NEDD9: variants seen among roughly 807,000 people sequenced by gnomAD.
NEDD9 encodes the protein enhancer of filamentation 1.
Under a neutral mutation model 76.6 loss-of-function variants are expected in NEDD9, and 26 were observed. The observed-to-expected ratio is 0.34, with a 90% CI of 0.25 to 0.47. The LOEUF (loss-of-function observed/expected upper bound fraction) is 0.47, where lower values mean the gene tolerates loss of function less well. NEDD9 is among the 20% of genes least tolerant of loss of function. The pLI is 1.00. For synonymous variants in NEDD9, 392 were observed against 414.2 expected, an observed-to-expected ratio of 0.95 and a Z score of 0.65; for missense variants, 937 against 1,058.5, an observed-to-expected ratio of 0.89 and a Z score of 1.59.
intron 3 of NEDD9, among the ~76,000 whole-genome samples, chr6:11,284,969 T>A (rs535516405): frequency 6.6e-6 from 1 of 152,210 alleles, no homozygotes; most frequent in East Asian, 1.9e-4. Flanking sequence ...GAAAACTGAG[T>A]TCTAGAGAGA....
chr6:11,190,402 C>T lies in NEDD9; in HGVS notation c.1467G>A (p.Leu489=), dbSNP rs1758105973. The change falls in exon 5 of 7, where the codon CTG becomes CTA. Residue 489 remains leucine (L), a synonymous_variant. Coordinates refer to ENST00000379446, the MANE Select transcript of NEDD9 (RefSeq NM_006403.4). This position sits in a 1 kb window ranked among gnomAD's most constrained non-coding sequence, Gnocchi z 5.8. Reference sequence around the variant, plus strand: ...TCTGGTGGGAGTCTTCAACTCGTTGCAGCTCCCGCTTCATCTTGTTGTGGA... The same window carrying T: ...TCTGGTGGGAGTCTTCAACTCGTTGTAGCTCCCGCTTCATCTTGTTGTGGA... ...LILHNKMKRE[L]QRVEDSHQIL... is the part of the protein sequence containing the mutation. The T allele has an allele frequency of 1.2e-6, 2 of 1,614,090 alleles. No homozygotes were observed. Among genetic ancestry groups the T allele is most frequent in the Admixed American group, 1.7e-5 (1 of 60,014 alleles).
At chr6:11,371,285 C>T (rs1240306432) in intron 1 of NEDD9, among the ~76,000 whole-genome samples, 2 of 152,150 alleles carry the variant, frequency 1.3e-5, no homozygotes, top group Admixed American at 6.5e-5. Flanking sequence ...CATTATGACC[C>T]CAAGTCTATA....
chr6:11,231,546 TTAA>T (rs1291544478), intron 1 of NEDD9, among the ~76,000 whole-genome samples: 1 of 152,334 alleles, frequency 6.6e-6, no homozygotes, highest in South Asian at 2.1e-4. Flanking sequence ...CAAATCCATC[TTAA>T]TAATAACACT....
chr6:11,325,291 G>T (rs535139824), intron 2 of NEDD9, among the ~76,000 whole-genome samples: 74 of 151,396 alleles, frequency 4.9e-4, no homozygotes, highest in African/African-American at 1.7e-3. Context: ...GGAGGCAGAG[G>T]TTGCAGTGAA....
At chr6:11,228,114 G>T (rs1192826447) in intron 1 of NEDD9, among the ~76,000 whole-genome samples, 1 of 150,590 alleles carries the variant, frequency 6.6e-6, no homozygotes, top group African/African-American at 2.5e-5. Flanking sequence ...GGGCTGGGGA[G>T]TAGGGGGTTG....
rs117251592 is a variant in NEDD9, at chr6:11,230,777, T to C, written c.12+1727A>G. Among the ~76,000 whole-genome samples the C allele has an allele frequency of 1.4e-4, 22 of 152,364 alleles. No homozygotes were observed. In the East Asian group the frequency reaches 4.2e-3, roughly 29 times the overall value. The stretch of plus-strand genomic sequence containing the variant: ...GGTGTTCAACACCAGTAAGGCCCAG[T>C]GGAGAAGCAGGTTTCTCCATGAATG... On this transcript the variant is annotated intron_variant, in intron 1 of 6. Coordinates refer to ENST00000379446, the MANE Select transcript of NEDD9 (RefSeq NM_006403.4).
At chr6:11,343,253 C>T (rs1328562224) in intron 1 of NEDD9, among the ~76,000 whole-genome samples, 3 of 151,992 alleles carry the variant, frequency 2.0e-5, no homozygotes, top group Non-Finnish European at 4.4e-5. Flanking sequence ...CATGGTGAAA[C>T]CCCGTTTCTA....
Position 11,293,472 on chromosome 6 carries a change from CT to C in NEDD9, c.12+12519del, listed in dbSNP as rs113814395. 1.4e-3 allele frequency among the ~76,000 whole-genome samples: 216 copies of C among 152,284 alleles called. 1 individual carries two copies. Among genetic ancestry groups the C allele is most frequent in the African/African-American group, 4.0e-3 (168 of 41,544 alleles). On this transcript the variant is annotated intron_variant, in intron 3 of 3. Coordinates refer to the NEDD9 transcript ENST00000397378. ...AAATTTCTTTGTTTTCTATCCCCCC[CT>C]CTCAGCTTTATCGAAGCATATTTGA...
rs118016789 is a variant in NEDD9, at chr6:11,361,485, T to C, written c.-214+20654A>G. On this transcript the variant is annotated intron_variant, in intron 1 of 3. Coordinates refer to the NEDD9 transcript ENST00000397378. ...GTCAAGGGGCAGGGGGGAGGTACCA[T>C]ACACTTTTACACAACCAGATCTCAC... Among the ~76,000 whole-genome samples the C allele has an allele frequency of 4.1e-3, 630 of 151,998 alleles. 7 individuals are homozygous for C. The highest frequency in any genetic ancestry group is 0.04 in the East Asian group (208 of 5,168).
At chr6:11,220,677 A>G (rs995647462) in intron 1 of NEDD9, among the ~76,000 whole-genome samples, 2 of 152,180 alleles carry the variant, frequency 1.3e-5, no homozygotes, top group African/African-American at 4.8e-5. Context: ...AGGACTGGTG[A>G]AAAGATCTGA....
intron 1 of NEDD9, among the ~76,000 whole-genome samples, chr6:11,348,026 T>C (rs1582042183): frequency 6.6e-6 from 1 of 152,208 alleles, no homozygotes; most frequent in Non-Finnish European, 1.5e-5. Flanking sequence ...CATGATCCTA[T>C]AGCTAGAAAA....
chr6:11,367,826 T>TA (rs753163112), intron 1 of NEDD9, among the ~76,000 whole-genome samples: 1 of 152,216 alleles, frequency 6.6e-6, no homozygotes, highest in Non-Finnish European at 1.5e-5. Flanking sequence ...TGTAATTGCT[T>TA]AAACCTAGCT....
intron 1 of NEDD9, among the ~76,000 whole-genome samples, chr6:11,379,463 C>T (rs1763025412): frequency 6.6e-6 from 1 of 152,052 alleles, no homozygotes; most frequent in African/African-American, 2.4e-5. Context: ...TGGTGGGCAC[C>T]TGCAATCCCA....
chr6:11,254,775 G>A (rs192350523), intron 3 of NEDD9, among the ~76,000 whole-genome samples: 19 of 152,294 alleles, frequency 1.2e-4, no homozygotes, highest in African/African-American at 4.1e-4. Context: ...TCCCCATGGA[G>A]AGAGACCCTC....
chr6:11,354,723 G>A (rs1561845371), intron 1 of NEDD9, among the ~76,000 whole-genome samples: 1 of 152,160 alleles, frequency 6.6e-6, no homozygotes, highest in Non-Finnish European at 1.5e-5. Flanking sequence ...GGTGCCAGGG[G>A]TGGGTGCATG....
At chr6:11,347,722 G>A (rs1169637154) in intron 1 of NEDD9, among the ~76,000 whole-genome samples, 1 of 152,126 alleles carries the variant, frequency 6.6e-6, no homozygotes, top group African/African-American at 2.4e-5. Context: ...TGAAGAAAAA[G>A]CTTTCAATAA....
intron 1 of NEDD9, among the ~76,000 whole-genome samples, chr6:11,231,176 T>A (rs1759459607): frequency 6.6e-6 from 1 of 152,172 alleles, no homozygotes; most frequent in Admixed American, 6.5e-5. Context: ...TCTGGTTGCA[T>A]CCTAAAGTCA....
At chr6:11,263,489 A>C (rs1259650848) in intron 3 of NEDD9, among the ~76,000 whole-genome samples, 3 of 151,916 alleles carry the variant, frequency 2.0e-5, no homozygotes, top group Admixed American at 6.5e-5. Flanking sequence ...GATCGTCTAG[A>C]ATTCCTTTAG....
At chr6:11,347,176 A>G (rs1040156911) in intron 1 of NEDD9, among the ~76,000 whole-genome samples, 3 of 152,186 alleles carry the variant, frequency 2.0e-5, no homozygotes, top group African/African-American at 7.2e-5. Context: ...ACTGGGGTAC[A>G]AAGATCGGAT....
Sources: gnomAD v4.1 joint callset for allele counts (sites outside exome capture counted in the v4.1 genomes callset) on GRCh38, gnomAD v4.1.1 for gene constraint, Gnocchi (gnomAD v3.1) non-coding constraint, MANE v1.5 for transcripts, NCBI Gene and HGNC (gene_info 2026-07-23, HGNC 2026-07-21) for gene names.